The following NEK10 variants were observed in gnomAD, a reference collection of about 807,000 sequenced individuals.
NEK10 encodes NIMA related kinase 10.
In NEK10, 122 loss-of-function variants were observed where a neutral mutation model predicts 159.8. The ratio of observed to expected loss-of-function variants is 0.76; its 90% CI spans 0.66 to 0.89. The LOEUF (loss-of-function observed/expected upper bound fraction) is 0.89, where lower values mean the gene tolerates loss of function less well. NEK10 is among the 40% of genes least tolerant of loss of function. The pLI, the probability that NEK10 is intolerant of heterozygous loss-of-function variation, is 0.00. For synonymous variants in NEK10, 466 were observed against 457.1 expected, an observed-to-expected ratio of 1.02 and a Z score of -0.25; for missense variants, 1,342 against 1,323.1, an observed-to-expected ratio of 1.01 and a Z score of -0.22.
At chr3:27,207,855 A>T (rs1208383869) in intron 23 of NEK10, among the ~76,000 whole-genome samples, 5 of 152,070 alleles carry the variant, frequency 3.3e-5, no homozygotes, top group Non-Finnish European at 7.4e-5. Context: ...AGGAGGCAAA[A>T]CTCTATCTAA....
intron 25 of NEK10, among the ~76,000 whole-genome samples, chr3:27,200,622 G>A (rs1400217041): frequency 6.6e-6 from 1 of 152,210 alleles, no homozygotes; most frequent in East Asian, 1.9e-4. Flanking sequence ...CTGCTCTTGA[G>A]TTTCCATTTT....
At position 27,216,796 on chromosome 3, in the gene NEK10, G is replaced by A. The variant is rs1951573778; in HGVS notation, c.2091-14239C>T. 2.0e-5 allele frequency among the ~76,000 whole-genome samples: 3 copies of A among 152,114 alleles called. No individual in the cohort carries two copies. The South Asian group carries it at 6.2e-4, about 32-fold the overall frequency. ...AGCAGAGATAAGCTGTTATTAATAA[G>A]CCCTGTTCAAACTGCAGAATTTGAG... On this transcript the variant is annotated intron_variant, in intron 23 of 35. Transcript: ENST00000691995.
intron 23 of NEK10, among the ~76,000 whole-genome samples, chr3:27,226,117 T>C (rs535060659): frequency 6.6e-6 from 1 of 152,128 alleles, no homozygotes; most frequent in Admixed American, 6.5e-5. Flanking sequence ...CTGCAAGCTC[T>C]GCCTCCTGGG....
At chr3:27,128,103 T>G (rs1942179857) in intron 32 of NEK10, among the ~76,000 whole-genome samples, 1 of 152,208 alleles carries the variant, frequency 6.6e-6, no homozygotes, top group East Asian at 1.9e-4. Flanking sequence ...TTTTTGGCGT[T>G]CCAGGCCATA....
At chr3:27,200,492 G>C (rs1949953661) in intron 25 of NEK10, among the ~76,000 whole-genome samples, 1 of 152,156 alleles carries the variant, frequency 6.6e-6, no homozygotes, top group Non-Finnish European at 1.5e-5. Context: ...AGATGGTACA[G>C]AAATAGCAAT....
At chr3:27,348,591 T>A (rs1212544336) in intron 3 of NEK10, among the ~76,000 whole-genome samples, 1 of 152,222 alleles carries the variant, frequency 6.6e-6, no homozygotes, top group Non-Finnish European at 1.5e-5. Context: ...CCTGGGCATC[T>A]GCAGCCTGTT....
intron 28 of NEK10, 103 bp downstream of exon 28, chr3:27,174,336 C>T (rs913172591): frequency 2.5e-6 from 4 of 1,572,880 alleles, no homozygotes; most frequent in Non-Finnish European, 2.6e-6. Flanking sequence ...AAAAACAAAC[C>T]ACTGGGTTAT....
Position 27,115,958 on chromosome 3 carries a change from T to C in NEK10, c.3281A>G (p.Tyr1094Cys). Residue 1094 changes from tyrosine to cysteine, a missense_variant, in exon 35 of 36, where the codon TAC becomes TGC. Transcript: ENST00000691995. The stretch of plus-strand genomic sequence containing the variant: ...CTCTTACCTGTTAGATGTAAAATTG[T>C]AATAGCCACTTTCCTCAAGGACTTC... ...IEEVLEESGY[Y>C]NFTSNRYHSY... The C allele has an allele frequency of 3.7e-6, 6 of 1,612,734 alleles. No individual in the cohort carries two copies. Among genetic ancestry groups the C allele is most frequent in the Non-Finnish European group, 5.1e-6 (6 of 1,179,094 alleles).
chr3:27,189,764 G>A (rs1407286688), intron 26 of NEK10, among the ~76,000 whole-genome samples: 2 of 151,814 alleles, frequency 1.3e-5, no homozygotes, highest in African/African-American at 4.8e-5. Flanking sequence ...TTAACATTTG[G>A]TTAACCTTGA....
At chr3:27,156,012 A>T (rs1945376185) in intron 30 of NEK10, among the ~76,000 whole-genome samples, 1 of 152,164 alleles carries the variant, frequency 6.6e-6, no homozygotes, top group Non-Finnish European at 1.5e-5. Flanking sequence ...ATCTTCAACA[A>T]AGCAAACAAA....
chr3:27,202,059 G>A (rs953895926), intron 24 of NEK10, among the ~76,000 whole-genome samples: 2 of 152,136 alleles, frequency 1.3e-5, no homozygotes, highest in Non-Finnish European at 2.9e-5. Context: ...GCTGAGGCAG[G>A]AGAATTGCTT....
intron 25 of NEK10, among the ~76,000 whole-genome samples, chr3:27,198,699 T>C (rs1949771400): frequency 6.6e-6 from 1 of 152,060 alleles, no homozygotes; most frequent in Admixed American, 6.6e-5. Flanking sequence ...ATAAAAACCC[T>C]GGAAGACAAC....
intron 23 of NEK10, chr3:27,252,901 T>A (rs937301495): frequency 1.9e-6 from 1 of 514,612 alleles, no homozygotes; most frequent in Non-Finnish European, 3.9e-6. Context: ...GGGCTTGGTC[T>A]TTGCATGAGC....
At chr3:27,154,514 A>C (rs1945212845) in intron 30 of NEK10, among the ~76,000 whole-genome samples, 1 of 152,218 alleles carries the variant, frequency 6.6e-6, no homozygotes, top group East Asian at 1.9e-4. Flanking sequence ...CTATAGACTG[A>C]AATCCTTGAT....
Position 27,311,020 on chromosome 3 carries a change from T to C in NEK10, c.569-4A>G. 6.2e-7 allele frequency: 1 copy of C among 1,600,826 alleles called. No individual in the cohort carries two copies. The highest frequency in any genetic ancestry group is 8.6e-7 in the Non-Finnish European group (1 of 1,168,598). ...GCAGCAAGTTTTTGAAAAATATCTA[T>C]AAAGGAAAGAAAGAGCGCAAAGAGG... On this transcript the variant is annotated splice_polypyrimidine_tract_variant and splice_region_variant and intron_variant, in intron 8 of 35. Transcript: ENST00000691995.
At chr3:27,343,639 T>C (rs1334770824) in intron 5 of NEK10, among the ~76,000 whole-genome samples, 2 of 152,154 alleles carry the variant, frequency 1.3e-5, no homozygotes, top group Non-Finnish European at 2.9e-5. Flanking sequence ...AGCTCTTCTA[T>C]GAAGCAGCTC....
At chr3:27,272,592 A>G (rs1479183266) in intron 22 of NEK10, among the ~76,000 whole-genome samples, 1 of 152,048 alleles carries the variant, frequency 6.6e-6, no homozygotes, top group Non-Finnish European at 1.5e-5. Flanking sequence ...GCCCCCACTT[A>G]TGTACCAGAA....
chr3:27,192,398 C>T (rs976898335), intron 25 of NEK10, among the ~76,000 whole-genome samples, 156 bp from the exon 26 acceptor site: 2 of 152,112 alleles, frequency 1.3e-5, no homozygotes, highest in Non-Finnish European at 2.9e-5. Flanking sequence ...GCTTTGAGTC[C>T]AAGACTTCTC....
At chr3:27,318,583 A>T (rs1415218240) in intron 6 of NEK10, among the ~76,000 whole-genome samples, 9 of 152,248 alleles carry the variant, frequency 5.9e-5, no homozygotes, top group Admixed American at 5.9e-4. Flanking sequence ...TGATGTCATG[A>T]GATGTTGTGT....
Sources: allele counts gnomAD v4.1 joint callset (sites outside exome capture counted in the v4.1 genomes callset), GRCh38; gene constraint gnomAD v4.1.1; transcripts MANE v1.5; gene names NCBI Gene and HGNC (gene_info 2026-07-23, HGNC 2026-07-21).